Variants in THUMPD2 observed in about 807,000 individuals in gnomAD.
THUMPD2 encodes U6 snRNA (guanine-N(2))-methyltransferase THUMPD2.
THUMPD2 carries 56 observed loss-of-function variants against 49.4 expected under a neutral mutation model. The observed-to-expected ratio is 1.13, with a 90% CI of 0.91 to 1.41. The LOEUF is 1.41. THUMPD2 is among the 40% of genes most tolerant of loss of function. The probability of loss-of-function intolerance (pLI) is 0.00; values close to 1 mark genes in which losing one functional copy is unlikely to be tolerated. For missense variants in THUMPD2, 709 were observed against 594.5 expected (o/e 1.19, Z -2.00); for synonymous variants, 237 against 205.2 (o/e 1.15, Z -1.32).
intron 4 of THUMPD2, among the ~76,000 whole-genome samples, chr2:39,766,415 G>A (rs2160207): frequency 0.11 from 16,883 of 151,998 alleles, 2,099 homozygotes; most frequent in African/African-American, 0.31. Flanking sequence ...AGTGGACCAC[G>A]CTTTTCAGTA....
intron 4 of THUMPD2, among the ~76,000 whole-genome samples, chr2:39,767,603 C>CAAAAAAAAA (rs57906396): frequency 0.017 from 1,164 of 67,634 alleles, 37 homozygotes; most frequent in Non-Finnish European, 0.02. Flanking sequence ...GACTCCGTCT[C>CAAAAAAAAA]AAAAAAAAAA....
intron 6 of THUMPD2, among the ~76,000 whole-genome samples, 158 bp downstream of exon 6, chr2:39,761,173 C>A (rs918229498): frequency 2.0e-5 from 3 of 151,958 alleles, no homozygotes; most frequent in African/African-American, 7.3e-5. Flanking sequence ...AGCATTACTG[C>A]AGCAGTTTGT....
Position 39,757,148 on chromosome 2 carries a change from G to A in THUMPD2, c.892-1188C>T, listed in dbSNP as rs151338845. 443 of 337,936 alleles carry A rather than the reference G, an allele frequency of 1.3e-3. 1 individual carries two copies. Among genetic ancestry groups the A allele is most frequent in the African/African-American group, 9.0e-3 (414 of 45,988 alleles). The allele number at this position is 337,936 out of a possible 1,614,324, so 20.9% of individuals were successfully genotyped here. On this transcript the variant is annotated intron_variant, in intron 6 of 9. Coordinates refer to ENST00000505747, the MANE Select transcript of THUMPD2 (RefSeq NM_025264.5). ...TGAGAGGGAGAGAACTCTGACTGGG[G>A]TGATCTGATGGCATGTGCTTCAAAG...
At chr2:39,757,437 A>T (rs1344434298) in intron 6 of THUMPD2, 3 of 1,298,510 alleles carry the variant, frequency 2.3e-6, no homozygotes, top group African/African-American at 3.0e-5. Flanking sequence ...TTTAAAGAGA[A>T]TATCACACAA....
rs558882873 is a variant in THUMPD2, at chr2:39,765,494, T to TG, written c.803+562dup. On this transcript the variant is annotated intron_variant, in intron 5 of 9. Coordinates refer to ENST00000505747, the MANE Select transcript of THUMPD2 (RefSeq NM_025264.5). Reference sequence around the variant, plus strand: ...TTTTTAGATACTTAGGCTCACTTTTTGGGGGTCAAAGTATTAAAAAAAAAA... The same window carrying TG: ...TTTTTAGATACTTAGGCTCACTTTTTGGGGGGTCAAAGTATTAAAAAAAAAA... Among the ~76,000 whole-genome samples the TG allele has an allele frequency of 9.6e-4, 146 of 151,792 alleles. 3 individuals are homozygous for TG. Among genetic ancestry groups the TG allele is most frequent in the Admixed American group, 8.8e-3 (134 of 15,270 alleles).
chr2:39,749,017 T>G (rs970457908), intron 8 of THUMPD2, among the ~76,000 whole-genome samples: 2 of 152,136 alleles, frequency 1.3e-5, no homozygotes, highest in Non-Finnish European at 2.9e-5. Context: ...TTCAATTATT[T>G]TGACAAGTGT....
At chr2:39,779,265 T>G (rs755378641), upstream of THUMPD2, 2 of 1,443,072 alleles carry the variant, frequency 1.4e-6, no homozygotes, top group South Asian at 2.6e-5. Flanking sequence ...CCCTCGCGCC[T>G]TCGGGTCACG....
chr2:39,766,215 A>G, intron 4 of THUMPD2, 106 bp from the exon 5 acceptor site: 1 of 751,292 alleles, frequency 1.3e-6, no homozygotes, highest in Non-Finnish European at 2.1e-6. Flanking sequence ...TGTTTTAAAA[A>G]GAAACTCCAA....
intron 8 of THUMPD2, among the ~76,000 whole-genome samples, chr2:39,752,282 T>A (rs1413093453): frequency 1.3e-5 from 2 of 152,084 alleles, no homozygotes; most frequent in African/African-American, 2.4e-5. Context: ...ATATTACAGA[T>A]GAGAAAATAA....
chr2:39,763,231 T>C (rs917829319), intron 5 of THUMPD2, among the ~76,000 whole-genome samples: 2 of 151,992 alleles, frequency 1.3e-5, no homozygotes, highest in Non-Finnish European at 2.9e-5. Flanking sequence ...TCTATATCTC[T>C]AGCCTAGACT....
chr2:39,755,455 T>C (rs1675974442), intron 7 of THUMPD2, 46 bp from the exon 8 acceptor site: 1 of 1,248,106 alleles, frequency 8.0e-7, no homozygotes. Context: ...TTATTACATA[T>C]TTCATGTAGT....
intron 5 of THUMPD2, among the ~76,000 whole-genome samples, chr2:39,765,158 C>T (rs1251665013): frequency 6.6e-6 from 1 of 151,822 alleles, no homozygotes; most frequent in Non-Finnish European, 1.5e-5. Flanking sequence ...GATACTCTTC[C>T]TAAATTTTTT....
chr2:39,761,619 A>AT (rs1383212253), intron 5 of THUMPD2, among the ~76,000 whole-genome samples: 2 of 152,206 alleles, frequency 1.3e-5, no homozygotes. Flanking sequence ...CCAGTGTTGA[A>AT]TTTCAGAAAG....
rs997549889 is a variant in THUMPD2 at position 39,777,505 on chromosome 2, A to G, written c.126+1609T>C. The stretch of plus-strand genomic sequence containing the variant: ...AAATATGGAGGTAAAAGTCTATCAG[A>G]TAGGAGTCTTTTGAGGATTAAATCA... On this transcript the variant is annotated intron_variant, in intron 1 of 9. Coordinates refer to ENST00000505747, the MANE Select transcript of THUMPD2 (RefSeq NM_025264.5). Among the ~76,000 whole-genome samples, 6 of 152,318 alleles carry G rather than the reference A, an allele frequency of 3.9e-5. No homozygotes were observed. In the East Asian group the frequency reaches 9.6e-4, roughly 24 times the overall value.
At chr2:39,752,250 G>T (rs1314480900) in intron 8 of THUMPD2, among the ~76,000 whole-genome samples, 1 of 152,136 alleles carries the variant, frequency 6.6e-6, no homozygotes, top group East Asian at 1.9e-4. Flanking sequence ...CAGCCTTATG[G>T]AGTGGTATTA....
chr2:39,778,645 C>A (rs1453267781), intron 1 of THUMPD2, among the ~76,000 whole-genome samples: 1 of 152,210 alleles, frequency 6.6e-6, no homozygotes, highest in African/African-American at 2.4e-5. Context: ...CTGCTATTTA[C>A]TGCGTGTTTA....
chr2:39,756,070 A>T (rs987772240), intron 6 of THUMPD2, 110 bp from the exon 7 acceptor site: 61 of 1,022,010 alleles, frequency 6.0e-5, no homozygotes, highest in Non-Finnish European at 8.6e-5. Context: ...TTACATTTTA[A>T]AGGGGTGGTG....
At chr2:39,756,783 C>T (rs1461028426) in intron 6 of THUMPD2, among the ~76,000 whole-genome samples, 1 of 152,106 alleles carries the variant, frequency 6.6e-6, no homozygotes, top group Non-Finnish European at 1.5e-5. Flanking sequence ...CGGAGGCAAG[C>T]AGGCTAACTA....
At chr2:39,760,508 A>T (rs1360606085) in intron 6 of THUMPD2, among the ~76,000 whole-genome samples, 1 of 152,208 alleles carries the variant, frequency 6.6e-6, no homozygotes, top group Non-Finnish European at 1.5e-5. Context: ...AAAGTGTGAG[A>T]AGTTATGAAC....
Sources: gnomAD v4.1 joint callset for allele counts (sites outside exome capture counted in the v4.1 genomes callset) on GRCh38, gnomAD v4.1.1 for gene constraint, MANE v1.5 for transcripts, NCBI Gene and HGNC (gene_info 2026-07-23, HGNC 2026-07-21) for gene names.